Variants in LIG1 observed in about 807,000 individuals in gnomAD.
LIG1 encodes ligase I, DNA, ATP-dependent.
LIG1 carries 70 observed loss-of-function variants against 115.7 expected under a neutral mutation model. The observed-to-expected ratio is 0.60, with a 90% CI of 0.50 to 0.74. The LOEUF is 0.74. Ranked by LOEUF, LIG1 falls within the 30% of genes least tolerant of loss-of-function variation. LIG1 has a pLI of 0.00. For missense variants in LIG1, 1,115 were observed against 1,225.6 expected (o/e 0.91, Z 1.35); for synonymous variants, 487 against 495.3 (o/e 0.98, Z 0.22).
chr19:48,129,680 G>A (rs2033892238), intron 19 of LIG1, among the ~76,000 whole-genome samples: 1 of 152,194 alleles, frequency 6.6e-6, no homozygotes, highest in Non-Finnish European at 1.5e-5. Flanking sequence ...GCAGACCTGG[G>A]GTTGCCTCTG....
At chr19:48,163,382 C>T (rs889465508) in intron 2 of LIG1, among the ~76,000 whole-genome samples, 8 of 151,972 alleles carry the variant, frequency 5.3e-5, no homozygotes, top group African/African-American at 1.7e-4. Flanking sequence ...CCACCACGCC[C>T]GGCTAATTTT....
chr19:48,161,473 C>T lies in LIG1; in HGVS notation c.142G>A (p.Glu48Lys), dbSNP rs1045583625. Residue 48 changes from glutamate to lysine, a missense_variant, in exon 4 of 28, where the codon GAG becomes AAG. Transcript: ENST00000263274. The part of the protein sequence containing the change: ...ALKEWNGVVS[E>K]SDSPVKRPGR... ...GGCCTCTTCACCGGAGAGTCACTCT[C>T]GGACACCACTCCATTCCACTCCTTC... 1.7e-5 allele frequency: 27 copies of T among 1,614,036 alleles called. No homozygotes were observed. Among genetic ancestry groups the T allele is most frequent in the Non-Finnish European group, 2.1e-5 (25 of 1,180,044 alleles).
intron 18 of LIG1, 87 bp downstream of exon 18, chr19:48,132,895 G>T: frequency 1.0e-6 from 1 of 965,110 alleles, no homozygotes; most frequent in Non-Finnish European, 1.7e-6. Context: ...GGCGCAGGCC[G>T]GCTTGAAGCT....
chr19:48,127,753 T>C (rs553270995), intron 20 of LIG1, 157 bp downstream of exon 20: 20 of 766,282 alleles, frequency 2.6e-5, no homozygotes, highest in African/African-American at 2.2e-4. Flanking sequence ...GAGAATGCGA[T>C]GGCTGGAGCT....
In LIG1 at chr19:48,135,540, GCT is replaced by G. The variant is rs1330466914; in HGVS notation, c.1523+138_1523+139del. ...CAGCCTTGTCTAGATCACCACCTCT[GCT>G]CTCAGTCACCCCGTGACCGGCACTC... On this transcript the variant is annotated intron_variant, in intron 16 of 27. Transcript: ENST00000263274. 2.2e-5 allele frequency: 17 copies of G among 769,880 alleles called. No individual in the cohort carries two copies. In the African/African-American group the frequency reaches 2.7e-4, roughly 12 times the overall value. 47.7% of individuals were successfully genotyped at this position (769,880 alleles called of 1,614,324 possible). A position where few individuals can be genotyped will look rare whatever the true frequency, so the allele number is the denominator to read the frequency against.
Position 48,137,150 on chromosome 19 carries a change from G to C in LIG1, c.1255-66C>G. ...CAGGGACCACACCTCCACCCCACCAGCCGTGCTGCTGCCCTGCATTTTGGA... is the reference window on the plus strand; with the variant it reads ...CAGGGACCACACCTCCACCCCACCACCCGTGCTGCTGCCCTGCATTTTGGA... On this transcript the variant is annotated intron_variant, in intron 13 of 27. Transcript: ENST00000263274. This position sits in a 1 kb window ranked among gnomAD's most constrained non-coding sequence, Gnocchi z 4.3. The C allele has an allele frequency of 1.5e-6, 2 of 1,320,158 alleles. No homozygotes were observed. Among genetic ancestry groups the C allele is most frequent in the Non-Finnish European group, 2.2e-6 (2 of 927,464 alleles). The allele number at this position is 1,320,158 out of a possible 1,614,324, so 81.8% of individuals were successfully genotyped here.
chr19:48,159,876 C>T (rs2036073567), intron 4 of LIG1, among the ~76,000 whole-genome samples: 1 of 152,214 alleles, frequency 6.6e-6, no homozygotes, highest in Non-Finnish European at 1.5e-5. Flanking sequence ...CGCCACCACG[C>T]CCAGCTAATT....
At chr19:48,144,336 A>G (rs886147129) in intron 9 of LIG1, among the ~76,000 whole-genome samples, 11 of 152,164 alleles carry the variant, frequency 7.2e-5, no homozygotes, top group Non-Finnish European at 1.3e-4. Context: ...CCAGGCAGAG[A>G]GAATAGCGTG....
chr19:48,161,068 C>G (rs2036147581), intron 4 of LIG1: 1 of 436,958 alleles, frequency 2.3e-6, no homozygotes, highest in Non-Finnish European at 4.3e-6. Flanking sequence ...AGGCATTATT[C>G]TCAGATCTGT....
intron 2 of LIG1, 64 bp from the exon 3 acceptor site, chr19:48,162,415 G>A (rs955978038): frequency 8.7e-7 from 1 of 1,145,548 alleles, no homozygotes; most frequent in Non-Finnish European, 1.3e-6. Flanking sequence ...GCCTATCTAT[G>A]CTGTATCCTA....
At chr19:48,152,225 G>A (rs868846544) in intron 6 of LIG1, among the ~76,000 whole-genome samples, 2 of 152,022 alleles carry the variant, frequency 1.3e-5, no homozygotes, top group Non-Finnish European at 2.9e-5. Context: ...CAGTTTCAAG[G>A]GATTCTCATG....
chr19:48,141,374 C>T (rs1333454818), intron 11 of LIG1, among the ~76,000 whole-genome samples: 1 of 151,700 alleles, frequency 6.6e-6, no homozygotes, highest in African/African-American at 2.4e-5. Flanking sequence ...TCAAATGATC[C>T]GCCCGCCTCG....
At chr19:48,128,520 C>T (rs1416716387) in intron 19 of LIG1, among the ~76,000 whole-genome samples, 1 of 152,236 alleles carries the variant, frequency 6.6e-6, no homozygotes, top group Non-Finnish European at 1.5e-5. Flanking sequence ...TCCCTCGCCT[C>T]ACCTGGCCCC....
In LIG1 at chr19:48,137,224, G is replaced by A. The variant is rs1180339464; in HGVS notation, c.1255-140C>T. 7.5e-6 allele frequency: 6 copies of A among 795,956 alleles called. No individual in the cohort carries two copies. In the South Asian group the frequency reaches 7.7e-5, roughly 10 times the overall value. 49.3% of individuals were successfully genotyped at this position (795,956 alleles called of 1,614,324 possible). On this transcript the variant is annotated intron_variant, in intron 13 of 27. Coordinates refer to ENST00000263274, the MANE Select transcript of LIG1 (RefSeq NM_000234.3). The surrounding 1 kb of genome is among the most constrained non-coding windows in gnomAD (Gnocchi z 4.3). Reference sequence around the variant, plus strand: ...CCATCCCCATGTCCCAGCTCCCATGGCCGCCCACTCTTAGGGCAGTAAGAA... The same window carrying A: ...CCATCCCCATGTCCCAGCTCCCATGACCGCCCACTCTTAGGGCAGTAAGAA...
chr19:48,136,389 C>T, intron 14 of LIG1, among the ~76,000 whole-genome samples: 1 of 152,186 alleles, frequency 6.6e-6, no homozygotes, highest in South Asian at 2.1e-4. Flanking sequence ...ATCTCAGCTG[C>T]CCTGAGGGGT....
chr19:48,136,288 G>A (rs183414289), intron 14 of LIG1, among the ~76,000 whole-genome samples, 163 bp from the exon 15 acceptor site: 16 of 152,334 alleles, frequency 1.1e-4, no homozygotes, highest in Admixed American at 2.0e-4. Context: ...ACAGCCCCAT[G>A]TGACAGATGA....
At position 48,131,149 on chromosome 19, in the gene LIG1, T is replaced by C; in HGVS notation, c.1748A>G (p.Glu583Gly). 1 of 1,613,942 alleles carries C rather than the reference T, an allele frequency of 6.2e-7. No homozygotes were observed. Among genetic ancestry groups the C allele is most frequent in the Non-Finnish European group, 8.5e-7 (1 of 1,179,926 alleles). ...RAQIHALEGG[E>G]VKIFSRNQED... ...CTGATTCCTGCTGAAGATCTTCACC[T>C]CCCCGCCTTCCAGGGCGTGGATCTG... The change falls in exon 19 of 28, where the codon GAG becomes GGG. Residue 583 changes from glutamate to glycine, a missense_variant. Coordinates refer to ENST00000263274, the MANE Select transcript of LIG1 (RefSeq NM_000234.3).
intron 1 of LIG1, among the ~76,000 whole-genome samples, chr19:48,167,825 T>TAAAAAAAAAAA (rs776208781): frequency 8.8e-6 from 1 of 113,768 alleles, no homozygotes; most frequent in Non-Finnish European, 1.9e-5. Flanking sequence ...GACCCCGTCT[T>TAAAAAAAAAAA]AAAAAAAAAA....
chr19:48,135,554 C>T (rs1369535640), intron 16 of LIG1, 126 bp downstream of exon 16: 9 of 805,100 alleles, frequency 1.1e-5, no homozygotes, highest in Admixed American at 5.1e-5. Context: ...TCAGTCACCC[C>T]GTGACCGGCA....
Sources: gnomAD v4.1 joint callset for allele counts (sites outside exome capture counted in the v4.1 genomes callset) on GRCh38, gnomAD v4.1.1 for gene constraint, Gnocchi (gnomAD v3.1) non-coding constraint, MANE v1.5 for transcripts, NCBI Gene and HGNC (gene_info 2026-07-23, HGNC 2026-07-21) for gene names.